The following OLR1 variants were observed in gnomAD, a reference collection of about 807,000 sequenced individuals.
OLR1 encodes oxidized low density lipoprotein receptor 1.
Under a neutral mutation model 31.7 loss-of-function variants are expected in OLR1, and 23 were observed. The observed-to-expected ratio is 0.72, with a 90% CI of 0.52 to 1.03. The LOEUF (loss-of-function observed/expected upper bound fraction) is 1.03, where lower values mean the gene tolerates loss of function less well. OLR1 is among the 50% of genes least tolerant of loss of function. OLR1 has a pLI of 0.00. For missense variants in OLR1, 286 were observed against 315.7 expected (o/e 0.91, Z 0.71); for synonymous variants, 117 against 115.8 (o/e 1.01, Z -0.07).
At position 10,159,004 on chromosome 12, in the gene OLR1, G is replaced by A. The variant is rs1471213984; in HGVS notation, c.*876C>T. ...TGAGTGTCTTCATTTTTTTTGTCTT[G>A]TATGTTTCGGAATTATAGCATAGCA... On this transcript the variant is annotated 3_prime_UTR_variant, in exon 6 of 6. Coordinates refer to ENST00000309539, the MANE Select transcript of OLR1 (RefSeq NM_002543.4). The A allele has an allele frequency of 2.0e-5, 3 of 151,840 alleles. No individual in the cohort carries two copies. Among genetic ancestry groups the A allele is most frequent in the Non-Finnish European group, 4.4e-5 (3 of 67,950 alleles). The allele number at this position is 151,840 out of a possible 1,614,324, so 9.4% of individuals were successfully genotyped here.
intron 4 of OLR1, 104 bp from the exon 5 acceptor site, chr12:10,160,566 C>T (rs1229454123): frequency 2.0e-6 from 2 of 1,019,266 alleles, no homozygotes; most frequent in African/African-American, 3.2e-5. Flanking sequence ...CAAAAGGTAT[C>T]TTTGACATCC....
upstream of OLR1, chr12:10,172,271 T>A (rs993859062): frequency 1.2e-4 from 61 of 515,992 alleles, no homozygotes; most frequent in Non-Finnish European, 4.2e-5. Flanking sequence ...GAGTTATGTG[T>A]ATTGCAGGTG....
Position 10,166,727 on chromosome 12 carries a change from C to G in OLR1, c.409G>C (p.Val137Leu), listed in dbSNP as rs1425785894. The G allele has an allele frequency of 6.2e-7, 1 of 1,613,926 alleles. No individual in the cohort carries two copies. Among genetic ancestry groups the G allele is most frequent in the Non-Finnish European group, 8.5e-7 (1 of 1,180,024 alleles). Reference protein sequence around the residue: ...NLNLQETLKRVANCSAPCPQD... With the variant: ...NLNLQETLKRLANCSAPCPQD... ...CTCCCAATACCTGAACAATTTGCTACTCTCTTCAGTGTTTCTTGGAGATTC... is the reference window on the plus strand; with the variant it reads ...CTCCCAATACCTGAACAATTTGCTAGTCTCTTCAGTGTTTCTTGGAGATTC... The change falls in exon 3 of 6, where the codon GTA becomes CTA. Residue 137 changes from valine to leucine, a missense_variant. Val to Leu is a conservative substitution (Grantham distance 32, BLOSUM62 1). Transcript: ENST00000309539.
upstream of OLR1, among the ~76,000 whole-genome samples, chr12:10,174,153 T>C (rs79634642): frequency 6.6e-6 from 1 of 152,102 alleles, no homozygotes; most frequent in Admixed American, 6.6e-5. Context: ...CTCCGCCTCC[T>C]GGGTTCAAGC....
intron 3 of OLR1, among the ~76,000 whole-genome samples, chr12:10,164,108 TCTGAATGGTC>T (rs1385041502): frequency 6.6e-6 from 1 of 152,214 alleles, no homozygotes; most frequent in East Asian, 1.9e-4. Context: ...GGGAGATAGT[TCTGAATGGTC>T]CTGATGTAGA....
At chr12:10,171,464 C>A (rs1030979143) in intron 1 of OLR1, among the ~76,000 whole-genome samples, 12 of 152,208 alleles carry the variant, frequency 7.9e-5, no homozygotes, top group Admixed American at 6.5e-4. Flanking sequence ...CTAAACTATA[C>A]TGAATATCAT....
rs151082615 is a variant in OLR1, at chr12:10,170,061, G to A, written c.77-886C>T. ...CTGTATGCAAATAAGGAGACTGAAA[G>A]GTTTAGTGACTTGCTTAAGATCACA... is the stretch of plus-strand genomic sequence containing the variant. On this transcript the variant is annotated intron_variant, in intron 1 of 5. Transcript: ENST00000309539. Among the ~76,000 whole-genome samples, 441 of 152,302 alleles carry A rather than the reference G, an allele frequency of 2.9e-3. 3 individuals carry two copies. The highest frequency in any genetic ancestry group is 9.0e-3 in the African/African-American group (375 of 41,560).
chr12:10,174,751 C>T (rs921958095), upstream of OLR1, among the ~76,000 whole-genome samples: 7 of 152,186 alleles, frequency 4.6e-5, no homozygotes, highest in Non-Finnish European at 7.3e-5. Flanking sequence ...TTCCTTTCTC[C>T]TTTCTTGGAA....
intron 3 of OLR1, 31 bp from the exon 4 acceptor site, chr12:10,160,956 T>TTC: frequency 3.1e-6 from 5 of 1,602,532 alleles, no homozygotes; most frequent in Non-Finnish European, 3.4e-6. Context: ...CATCAGTCAG[T>TTC]TATGTTTGTG....
At chr12:10,174,968 C>T (rs1469627294), upstream of OLR1, among the ~76,000 whole-genome samples, 1 of 152,194 alleles carries the variant, frequency 6.6e-6, no homozygotes, top group Non-Finnish European at 1.5e-5. Flanking sequence ...CCACATTCTA[C>T]ATTTTATTTA....
At position 10,165,145 on chromosome 12, in the gene OLR1, C is replaced by A. The variant is rs558844354; in HGVS notation, c.424+1567G>T. On this transcript the variant is annotated intron_variant, in intron 3 of 5. Transcript: ENST00000309539. ...AGGTGTGGTGGCGGGTGCCTCTAAT[C>A]CCAACTATTCGGGAGGCTGAGGCAG... Among the ~76,000 whole-genome samples, 105 of 152,286 alleles carry A rather than the reference C, an allele frequency of 6.9e-4. 1 individual carries two copies. In the South Asian group the frequency reaches 0.021, roughly 30 times the overall value.
At position 10,158,550 on chromosome 12, in the gene OLR1, A is replaced by G. The variant is rs1356677729; in HGVS notation, c.*1330T>C. On this transcript the variant is annotated 3_prime_UTR_variant, in exon 6 of 6. Transcript: ENST00000309539. ...ATGATTCCATTCACATAAAACTACA[A>G]AATGCAAAATGAAAGCCGATTGGTG... The G allele has an allele frequency of 6.6e-6, 1 of 152,150 alleles. No homozygotes were observed. The highest frequency in any genetic ancestry group is 1.5e-5 in the Non-Finnish European group (1 of 68,024). 9.4% of individuals were successfully genotyped at this position (152,150 alleles called of 1,614,324 possible). A position where few individuals can be genotyped will look rare whatever the true frequency, so the allele number is the denominator to read the frequency against.
chr12:10,171,159 T>A (rs1948712692), intron 1 of OLR1, among the ~76,000 whole-genome samples: 1 of 152,254 alleles, frequency 6.6e-6, no homozygotes, highest in Admixed American at 6.5e-5. Context: ...GCTCAAATGT[T>A]AAATCACTCC....
chr12:10,168,242 C>T (rs2137518139), intron 2 of OLR1, among the ~76,000 whole-genome samples: 2 of 152,172 alleles, frequency 1.3e-5, no homozygotes, highest in South Asian at 2.1e-4. Context: ...CCCTCAATAT[C>T]TTCTCTTTTC....
chr12:10,169,041 C>T, intron 2 of OLR1, 33 bp downstream of exon 2: 1 of 1,457,718 alleles, frequency 6.9e-7, no homozygotes, highest in Non-Finnish European at 9.5e-7. Flanking sequence ...ACCCCTGCCC[C>T]AATAAACATC....
At chr12:10,160,572 CA>C in intron 4 of OLR1, 110 bp from the exon 5 acceptor site, 2 of 1,004,610 alleles carry the variant, frequency 2.0e-6, no homozygotes, top group South Asian at 2.9e-5. Flanking sequence ...GTATCTTTGA[CA>C]TCCCCTTGAC....
chr12:10,174,599 C>T (rs555531115), upstream of OLR1, among the ~76,000 whole-genome samples: 3 of 152,264 alleles, frequency 2.0e-5, no homozygotes, highest in South Asian at 2.1e-4. Context: ...ACTCGCTGGC[C>T]GAGTCTGGCA....
At chr12:10,162,955 T>TTGTGTGTG (rs10637880) in intron 3 of OLR1, among the ~76,000 whole-genome samples, 131 of 151,400 alleles carry the variant, frequency 8.7e-4, no homozygotes, top group African/African-American at 2.9e-3. Context: ...CTGTATTTCT[T>TTGTGTGTG]TGTGTGTGTG....
rs181429704 is a variant in OLR1, at chr12:10,159,013, G to A, written c.*867C>T. ...TCATTTTTTTTGTCTTGTATGTTTCGGAATTATAGCATAGCAAAACAGAGT... is the reference window on the plus strand; with the variant it reads ...TCATTTTTTTTGTCTTGTATGTTTCAGAATTATAGCATAGCAAAACAGAGT... On this transcript the variant is annotated 3_prime_UTR_variant, in exon 6 of 6. Coordinates refer to ENST00000309539, the MANE Select transcript of OLR1 (RefSeq NM_002543.4). 9 of 152,108 alleles carry A rather than the reference G, an allele frequency of 5.9e-5. No homozygotes were observed. Among genetic ancestry groups the A allele is most frequent in the Admixed American group, 5.2e-4 (8 of 15,278 alleles). 9.4% of individuals were successfully genotyped at this position (152,108 alleles called of 1,614,324 possible). A position where few individuals can be genotyped will look rare whatever the true frequency, so the allele number is the denominator to read the frequency against.
Sources: allele counts gnomAD v4.1 joint callset (sites outside exome capture counted in the v4.1 genomes callset), GRCh38; gene constraint gnomAD v4.1.1; transcripts MANE v1.5; gene names NCBI Gene and HGNC (gene_info 2026-07-23, HGNC 2026-07-21).